ESR1: variants seen among roughly 807,000 people sequenced by gnomAD.
ESR1 encodes estrogen receptor.
ESR1 carries 12 observed loss-of-function variants against 52.7 expected under a neutral mutation model. That is an observed-to-expected ratio of 0.23 (90% confidence interval 0.15 to 0.37). The LOEUF (loss-of-function observed/expected upper bound fraction) is 0.37, where lower values mean the gene tolerates loss of function less well. ESR1 is among the 10% of genes least tolerant of loss of function. The pLI, the probability that ESR1 is intolerant of heterozygous loss-of-function variation, is 1.00. For synonymous variants in ESR1, 305 were observed against 316.8 expected, an observed-to-expected ratio of 0.96 and a Z score of 0.39; for missense variants, 584 against 779.7, an observed-to-expected ratio of 0.75 and a Z score of 2.99.
chr6:151,736,099 G>A (rs924121395), intron 2 of ESR1, among the ~76,000 whole-genome samples: 3 of 152,074 alleles, frequency 2.0e-5, no homozygotes, highest in Admixed American at 1.3e-4. Context: ...TTTCTTTATA[G>A]CAGTGTGAAA....
At chr6:151,958,393 A>G (rs2037247199) in intron 4 of ESR1, among the ~76,000 whole-genome samples, 1 of 152,174 alleles carries the variant, frequency 6.6e-6, no homozygotes, top group Admixed American at 6.5e-5. Flanking sequence ...TTTTGTGGAC[A>G]TTTTACAGAT....
In ESR1 at chr6:151,963,959, T is replaced by C. The variant is rs73005975; in HGVS notation, c.1096+19451T>C. On this transcript the variant is annotated intron_variant, in intron 4 of 7. Coordinates refer to ENST00000206249, the MANE Select transcript of ESR1 (RefSeq NM_000125.4). The stretch of plus-strand genomic sequence containing the variant: ...CCCTATTGTGTATTCTTGGCACTTT[T>C]GTTGTAAATAAGTTGATCTTACTTG... 1.0e-2 allele frequency among the ~76,000 whole-genome samples: 1,518 copies of C among 152,346 alleles called. 11 individuals are homozygous for C. The highest frequency in any genetic ancestry group is 0.02 in the Middle Eastern group (6 of 294).
intron 1 of ESR1, among the ~76,000 whole-genome samples, chr6:151,808,689 TG>T (rs1778290391): frequency 6.6e-6 from 1 of 152,076 alleles, no homozygotes; most frequent in Non-Finnish European, 1.5e-5. Context: ...CAGTTATTTG[TG>T]GGGGAAAACA....
At chr6:151,666,287 G>A (rs995124034) in intron 1 of ESR1, among the ~76,000 whole-genome samples, 1 of 152,188 alleles carries the variant, frequency 6.6e-6, no homozygotes, top group Non-Finnish European at 1.5e-5. Context: ...AAAGTTGTGT[G>A]GTTGGTGTGG....
At chr6:152,126,738 G>A (rs929415571) in exon 7 of ESR1, 2 of 152,198 alleles carry the variant, frequency 1.3e-5, no homozygotes, top group Admixed American at 6.5e-5. Flanking sequence ...GAATGGCAGG[G>A]AGGGAGTAGT....
chr6:152,111,667 C>A (rs12208136), intron 6 of ESR1, among the ~76,000 whole-genome samples: 1,677 of 152,202 alleles, frequency 0.011, 12 homozygotes, highest in Admixed American at 0.016. Context: ...GTTTCAATAC[C>A]CAGGGCCCCA....
At chr6:151,986,078 T>A (rs761501041) in intron 4 of ESR1, among the ~76,000 whole-genome samples, 5 of 152,162 alleles carry the variant, frequency 3.3e-5, no homozygotes, top group Non-Finnish European at 5.9e-5. Context: ...TGTGTTTTGA[T>A]GTGTGTGGTC....
At chr6:152,077,323 G>A (rs1305121862) in intron 6 of ESR1, among the ~76,000 whole-genome samples, 1 of 152,228 alleles carries the variant, frequency 6.6e-6, no homozygotes. Context: ...TTATATTTCA[G>A]AAGATACGTG....
At chr6:151,788,003 A>G (rs984302718) in intron 2 of ESR1, among the ~76,000 whole-genome samples, 7 of 152,210 alleles carry the variant, frequency 4.6e-5, no homozygotes, top group Non-Finnish European at 8.8e-5. Flanking sequence ...AAACTCTAAG[A>G]ACCCTGGAAG....
intron 4 of ESR1, among the ~76,000 whole-genome samples, chr6:151,950,361 A>T (rs1310635260): frequency 1.3e-5 from 2 of 151,962 alleles, no homozygotes; most frequent in Admixed American, 1.3e-4. Context: ...TTCCAGGGGG[A>T]TTTGGCATGG....
intron 2 of ESR1, among the ~76,000 whole-genome samples, chr6:151,743,619 C>T (rs1783261579): frequency 1.3e-5 from 2 of 152,138 alleles, no homozygotes; most frequent in Non-Finnish European, 2.9e-5. Context: ...TCTGATGTTA[C>T]AGAGATCACA....
At chr6:151,771,235 T>C (rs577392667) in intron 2 of ESR1, among the ~76,000 whole-genome samples, 1 of 152,258 alleles carries the variant, frequency 6.6e-6, no homozygotes, top group African/African-American at 2.4e-5. Flanking sequence ...TCAAGAGCTA[T>C]AGAATTGTAT....
chr6:151,957,624 C>T (rs963536453), intron 4 of ESR1, among the ~76,000 whole-genome samples: 8 of 151,656 alleles, frequency 5.3e-5, no homozygotes, highest in African/African-American at 1.9e-4. Context: ...TGATTTGGGG[C>T]TACATTTAAG....
At chr6:151,907,989 G>T (rs1011080238) in intron 3 of ESR1, among the ~76,000 whole-genome samples, 2 of 152,158 alleles carry the variant, frequency 1.3e-5, no homozygotes, top group African/African-American at 4.8e-5. Context: ...AACAAAGAGG[G>T]TGAATAAATG....
intron 2 of ESR1, among the ~76,000 whole-genome samples, chr6:151,767,309 T>G (rs768106333): frequency 8.5e-5 from 13 of 152,048 alleles, no homozygotes; most frequent in Non-Finnish European, 1.9e-4. Flanking sequence ...CTTAAGAGAG[T>G]AAAAGTTTAT....
chr6:151,673,604 C>T (rs969892213), intron 1 of ESR1, among the ~76,000 whole-genome samples: 1 of 152,058 alleles, frequency 6.6e-6, no homozygotes, highest in Non-Finnish European at 1.5e-5. Flanking sequence ...CAAATTAAGC[C>T]AGGCATGGTG....
intron 1 of ESR1, among the ~76,000 whole-genome samples, chr6:151,677,650 C>A (rs966355419): frequency 6.6e-6 from 1 of 152,188 alleles, no homozygotes; most frequent in Admixed American, 6.5e-5. Flanking sequence ...ACTCCAGTCC[C>A]CACTGGTTTG....
At chr6:151,758,431 G>T (rs777319624) in intron 2 of ESR1, among the ~76,000 whole-genome samples, 10 of 152,084 alleles carry the variant, frequency 6.6e-5, no homozygotes, top group Non-Finnish European at 8.8e-5. Flanking sequence ...GAGTTCCTGG[G>T]GACTTTAGAG....
chr6:152,094,491 G>C lies in ESR1; in HGVS notation c.1476G>C (p.Lys492Asn), dbSNP rs2050456996. The change falls in exon 7 of 8, where the codon AAG becomes AAC. Residue 492 changes from lysine (K) to asparagine (N), a missense_variant. Lys to Asn is a moderately conservative substitution (Grantham distance 94, BLOSUM62 0). Transcript: ENST00000206249. The surrounding 1 kb of genome is among the most constrained non-coding windows in gnomAD (Gnocchi z 4.6). ...ITDTLIHLMAKAGLTLQQQHQ... is the reference protein window; with the variant it reads ...ITDTLIHLMANAGLTLQQQHQ... ...ACACTTTGATCCACCTGATGGCCAA[G>C]GCAGGCCTGACCCTGCAGCAGCAGC... 1 of 1,614,112 alleles carries C rather than the reference G, an allele frequency of 6.2e-7. No homozygotes were observed. Among genetic ancestry groups the C allele is most frequent in the Non-Finnish European group, 8.5e-7 (1 of 1,180,026 alleles).
Sources: allele counts gnomAD v4.1 joint callset (sites outside exome capture counted in the v4.1 genomes callset), GRCh38; gene constraint gnomAD v4.1.1; non-coding constraint Gnocchi (gnomAD v3.1); transcripts MANE v1.5; gene names NCBI Gene and HGNC (gene_info 2026-07-23, HGNC 2026-07-21).